Variants in CACNA2D1 observed in about 807,000 individuals in gnomAD.
The protein encoded by CACNA2D1 is voltage-dependent calcium channel subunit alpha-2/delta-1.
A neutral mutation model predicts 171.5 loss-of-function variants in CACNA2D1; 53 were observed. That is an observed-to-expected ratio of 0.31 (90% CI 0.25 to 0.39). CACNA2D1 has a LOEUF of 0.39. Among genes scored for constraint, CACNA2D1 ranks in the 10% least tolerant of loss-of-function variants. The probability of loss-of-function intolerance (pLI) is 1.00; values close to 1 mark genes in which losing one functional copy is unlikely to be tolerated. For missense variants in CACNA2D1, 903 were observed against 1,299.8 expected, an observed-to-expected ratio of 0.69 and a Z score of 4.69; for synonymous variants, 442 against 443.1, an observed-to-expected ratio of 1.00 and a Z score of 0.03.
intron 3 of CACNA2D1, among the ~76,000 whole-genome samples, chr7:82,276,025 A>C (rs1268036665): frequency 1.3e-5 from 2 of 152,136 alleles, no homozygotes; most frequent in Non-Finnish European, 2.9e-5. Flanking sequence ...TGACAGGCAA[A>C]CCGGTAGGCA....
rs1562831888 is a variant in CACNA2D1, at chr7:81,991,165, C to T, written c.1796+20G>A. On this transcript the variant is annotated intron_variant, in intron 21 of 38. Coordinates refer to ENST00000356860, the MANE Select transcript of CACNA2D1 (RefSeq NM_000722.4). ...TTAATCCATTGGAATACACAATACA[C>T]ATAAAATACAGTTAATTACCTGTAA... 2 of 1,184,312 alleles carry T rather than the reference C, an allele frequency of 1.7e-6. No homozygotes were observed. Among genetic ancestry groups the T allele is most frequent in the Non-Finnish European group, 2.5e-6 (2 of 788,042 alleles). The allele number at this position is 1,184,312 out of a possible 1,614,324, so 73.4% of individuals were successfully genotyped here.
At chr7:82,148,670 C>T (rs1419659039) in intron 4 of CACNA2D1, among the ~76,000 whole-genome samples, 6 of 152,118 alleles carry the variant, frequency 3.9e-5, no homozygotes, top group African/African-American at 1.2e-4. Flanking sequence ...TGGAGTTTTG[C>T]TATTGTCGAC....
At chr7:82,072,795 T>TC (rs922923908) in intron 7 of CACNA2D1, among the ~76,000 whole-genome samples, 2 of 152,028 alleles carry the variant, frequency 1.3e-5, no homozygotes, top group African/African-American at 4.8e-5. Flanking sequence ...AACTTTTTTT[T>TC]CAGTAAAATG....
intron 12 of CACNA2D1, among the ~76,000 whole-genome samples, chr7:82,022,652 A>T (rs1801371846): frequency 6.6e-6 from 1 of 151,962 alleles, no homozygotes; most frequent in African/African-American, 2.4e-5. Flanking sequence ...TACATAAAAC[A>T]CATCTGCATA....
chr7:82,315,724 G>GA (rs1456540902), intron 3 of CACNA2D1, among the ~76,000 whole-genome samples: 2 of 152,116 alleles, frequency 1.3e-5, no homozygotes, highest in Non-Finnish European at 2.9e-5. Flanking sequence ...AGAAGGGGAG[G>GA]AAATCAGAAT....
chr7:81,982,708 A>G (rs1796562917), intron 23 of CACNA2D1, 81 bp from the exon 24 acceptor site: 4 of 878,924 alleles, frequency 4.6e-6, no homozygotes, highest in Admixed American at 1.7e-5. Context: ...AAGGCATGAG[A>G]AAGATTACCT....
chr7:82,063,370 A>C (rs1807190625), intron 9 of CACNA2D1, among the ~76,000 whole-genome samples: 1 of 152,186 alleles, frequency 6.6e-6, no homozygotes, highest in Admixed American at 6.5e-5. Context: ...AATAAGAATT[A>C]ACATTTAAAT....
intron 9 of CACNA2D1, 88 bp from the exon 10 acceptor site, chr7:82,060,615 C>G: frequency 1.3e-6 from 1 of 741,004 alleles, no homozygotes; most frequent in Non-Finnish European, 2.3e-6. Context: ...TGCACTGACC[C>G]TAGATCTTTT....
At chr7:82,192,238 C>G (rs1798370117) in intron 3 of CACNA2D1, among the ~76,000 whole-genome samples, 1 of 151,086 alleles carries the variant, frequency 6.6e-6, no homozygotes, top group African/African-American at 2.4e-5. Context: ...AACAAGAAAA[C>G]AAGGTGGATA....
chr7:82,144,111 T>C (rs1423311893), intron 4 of CACNA2D1, among the ~76,000 whole-genome samples: 1 of 152,094 alleles, frequency 6.6e-6, no homozygotes, highest in Non-Finnish European at 1.5e-5. Flanking sequence ...GTTACGGTCA[T>C]AAAAGCTGAG....
chr7:81,984,599 A>C (rs1268798629), intron 22 of CACNA2D1, 36 bp downstream of exon 22: 2 of 1,170,252 alleles, frequency 1.7e-6, no homozygotes, highest in South Asian at 2.6e-5. Context: ...CTAGGAGATA[A>C]CAAATGGACC....
chr7:82,432,421 T>A (rs1265156641), intron 1 of CACNA2D1, among the ~76,000 whole-genome samples: 1 of 152,256 alleles, frequency 6.6e-6, no homozygotes, highest in Non-Finnish European at 1.5e-5. Flanking sequence ...TGATGGCAAG[T>A]GCCAGTAATT....
At chr7:82,036,449 A>T (rs1265097085) in intron 11 of CACNA2D1, among the ~76,000 whole-genome samples, 1 of 152,028 alleles carries the variant, frequency 6.6e-6, no homozygotes, top group Non-Finnish European at 1.5e-5. Flanking sequence ...TTCTGAAATA[A>T]TTTTCCCTTC....
At chr7:82,267,826 C>G (rs1157120511) in intron 3 of CACNA2D1, among the ~76,000 whole-genome samples, 2 of 152,240 alleles carry the variant, frequency 1.3e-5, no homozygotes, top group Non-Finnish European at 1.5e-5. Context: ...AACCCCGTCT[C>G]TACTAAAAAT....
chr7:82,053,839 T>A (rs1805502672), intron 10 of CACNA2D1, among the ~76,000 whole-genome samples: 1 of 152,180 alleles, frequency 6.6e-6, no homozygotes, highest in African/African-American at 2.4e-5. Context: ...GTATTCCCAG[T>A]TTTTCCTACG....
At chr7:82,238,335 A>G (rs934296092) in intron 3 of CACNA2D1, among the ~76,000 whole-genome samples, 2 of 152,106 alleles carry the variant, frequency 1.3e-5, no homozygotes, top group African/African-American at 4.8e-5. Context: ...AGGCAAAATT[A>G]TATCACACAA....
chr7:82,138,485 C>T (rs1232471354), intron 4 of CACNA2D1, among the ~76,000 whole-genome samples: 4 of 134,706 alleles, frequency 3.0e-5, no homozygotes, highest in East Asian at 4.5e-4. Context: ...GTCGCTGTGT[C>T]GCCCAGGCTG....
chr7:82,039,113 G>A (rs1186169449), intron 10 of CACNA2D1, among the ~76,000 whole-genome samples: 1 of 152,036 alleles, frequency 6.6e-6, no homozygotes, highest in African/African-American at 2.4e-5. Flanking sequence ...CACATCTGCA[G>A]AATGGGAATA....
At chr7:82,065,989 G>A (rs1171106117) in intron 8 of CACNA2D1, among the ~76,000 whole-genome samples, 2 of 152,148 alleles carry the variant, frequency 1.3e-5, no homozygotes, top group Admixed American at 6.5e-5. Flanking sequence ...TGCTTCAGTA[G>A]TGAGGAACAA....
Sources: gnomAD v4.1 joint callset for allele counts (sites outside exome capture counted in the v4.1 genomes callset) on GRCh38, gnomAD v4.1.1 for gene constraint, MANE v1.5 for transcripts, NCBI Gene and HGNC (gene_info 2026-07-23, HGNC 2026-07-21) for gene names.